KIAA1549L: variants seen among roughly 807,000 people sequenced by gnomAD.
The protein encoded by KIAA1549L is UPF0606 protein KIAA1549L.
In KIAA1549L, 88 loss-of-function variants were observed where a neutral mutation model predicts 160.7. That is an observed-to-expected ratio of 0.55 (90% CI 0.46 to 0.65). KIAA1549L has a LOEUF of 0.65. Among genes scored for constraint, KIAA1549L ranks in the 30% least tolerant of loss-of-function variants. The pLI, the probability that KIAA1549L is intolerant of heterozygous loss-of-function variation, is 0.00. For missense variants in KIAA1549L, 2,258 were observed against 2,437.5 expected (o/e 0.93, Z 1.55); for synonymous variants, 950 against 976.7 (o/e 0.97, Z 0.51).
At chr11:33,571,882 G>A (rs1482144060) in intron 9 of KIAA1549L, among the ~76,000 whole-genome samples, 1 of 152,182 alleles carries the variant, frequency 6.6e-6, no homozygotes, top group Non-Finnish European at 1.5e-5. Context: ...GCCCCTTCTT[G>A]AAGAGTCCCA....
chr11:33,479,404 G>T (rs1852362134), intron 1 of KIAA1549L, among the ~76,000 whole-genome samples: 1 of 152,224 alleles, frequency 6.6e-6, no homozygotes, highest in African/African-American at 2.4e-5. Flanking sequence ...GGAACTGGGG[G>T]ACATCCAAGT....
chr11:33,474,758 C>T (rs1301161683), intron 1 of KIAA1549L, among the ~76,000 whole-genome samples: 1 of 152,214 alleles, frequency 6.6e-6, no homozygotes, highest in East Asian at 1.9e-4. Context: ...CCAGTAGGTA[C>T]CCAATAAACA....
intron 13 of KIAA1549L, among the ~76,000 whole-genome samples, chr11:33,605,629 A>G (rs1850480690): frequency 6.6e-6 from 1 of 152,356 alleles, no homozygotes; most frequent in South Asian, 2.1e-4. Context: ...ACAGAATGAT[A>G]CAAACTATGT....
At chr11:33,494,841 G>C (rs1449452645) in intron 1 of KIAA1549L, among the ~76,000 whole-genome samples, 1 of 152,232 alleles carries the variant, frequency 6.6e-6, no homozygotes, top group Non-Finnish European at 1.5e-5. Context: ...TGTGTGAGAA[G>C]AACGATTTGT....
intron 14 of KIAA1549L, 39 bp downstream of exon 14, chr11:33,606,861 C>A (rs1399518388): frequency 2.0e-6 from 3 of 1,533,520 alleles, no homozygotes; most frequent in Non-Finnish European, 2.6e-6. Flanking sequence ...ATGGTCCGGC[C>A]AGACTTGGGA....
chr11:33,468,490 C>G (rs1251584306), intron 1 of KIAA1549L, among the ~76,000 whole-genome samples: 1 of 152,224 alleles, frequency 6.6e-6, no homozygotes, highest in Non-Finnish European at 1.5e-5. Context: ...ATACCTGTGT[C>G]ATTTCTGAGC....
At position 33,591,341 on chromosome 11, in the gene KIAA1549L, T is replaced by C; in HGVS notation, c.4671T>C (p.Ile1557=). 1 of 1,613,742 alleles carries C rather than the reference T, an allele frequency of 6.2e-7. No individual in the cohort carries two copies. Among genetic ancestry groups the C allele is most frequent in the African/African-American group, 1.3e-5 (1 of 75,046 alleles). Residue 1557 remains isoleucine (I), a synonymous_variant, in exon 12 of 21, where the codon ATT becomes ATC. Coordinates refer to ENST00000658780, the MANE Select transcript of KIAA1549L (RefSeq NM_012194.3). Reference sequence around the variant, plus strand: ...AGACAGTGGTTCTCCCACTGCCCATTAGAGATGCTCCTCAGGAAAGAGACG... The same window carrying C: ...AGACAGTGGTTCTCCCACTGCCCATCAGAGATGCTCCTCAGGAAAGAGACG... The part of the protein sequence containing the change: ...TQETVVLPLP[I]RDAPQERDVA...
At chr11:33,600,452 G>A (rs1451209721) in intron 13 of KIAA1549L, among the ~76,000 whole-genome samples, 1 of 152,112 alleles carries the variant, frequency 6.6e-6, no homozygotes, top group African/African-American at 2.4e-5. Context: ...GAAGCCATAT[G>A]GGGAAGGTTG....
At chr11:33,411,960 C>T (rs952741821) in intron 1 of KIAA1549L, among the ~76,000 whole-genome samples, 9 of 152,178 alleles carry the variant, frequency 5.9e-5, no homozygotes, top group African/African-American at 1.2e-4. Context: ...CCATTCTAGC[C>T]GCTCACAGGA....
chr11:33,544,373 C>T (rs754818874), intron 2 of KIAA1549L, 37 bp downstream of exon 2: 2 of 1,598,896 alleles, frequency 1.3e-6, no homozygotes, highest in Non-Finnish European at 1.7e-6. Flanking sequence ...TTTCCCGGTA[C>T]CCCCAAAACA....
chr11:33,493,142 T>G (rs716844), intron 1 of KIAA1549L, among the ~76,000 whole-genome samples: 15,972 of 152,116 alleles, frequency 0.1, 1,009 homozygotes, highest in East Asian at 0.31. Context: ...GAGCTGCAGC[T>G]GGGGTGATGC....
At chr11:33,563,411 G>GAGGA (rs1854941425) in intron 8 of KIAA1549L, among the ~76,000 whole-genome samples, 1 of 151,358 alleles carries the variant, frequency 6.6e-6, no homozygotes, top group Admixed American at 6.6e-5. Flanking sequence ...TAACAGGGTG[G>GAGGA]AGGAAAATCC....
intron 1 of KIAA1549L, among the ~76,000 whole-genome samples, chr11:33,510,401 G>A (rs1853200116): frequency 2.6e-5 from 4 of 152,130 alleles, no homozygotes; most frequent in South Asian, 4.1e-4. Flanking sequence ...TGGCCAGGCT[G>A]GTCTTGAACT....
intron 1 of KIAA1549L, among the ~76,000 whole-genome samples, chr11:33,526,304 G>C (rs942676592): frequency 1.3e-5 from 2 of 152,168 alleles, no homozygotes; most frequent in African/African-American, 4.8e-5. Context: ...GCAACATCCT[G>C]GGTAACCAGA....
At chr11:33,595,056 G>A (rs1435914931) in intron 12 of KIAA1549L, among the ~76,000 whole-genome samples, 1 of 152,178 alleles carries the variant, frequency 6.6e-6, no homozygotes, top group Non-Finnish European at 1.5e-5. Flanking sequence ...TTTAAATTGT[G>A]TAAAGTTTTC....
At chr11:33,585,344 C>G (rs1855777690) in intron 11 of KIAA1549L, among the ~76,000 whole-genome samples, 1 of 152,036 alleles carries the variant, frequency 6.6e-6, no homozygotes, top group African/African-American at 2.4e-5. Context: ...CATGGAGAAA[C>G]CTCATCTCTA....
At chr11:33,436,033 A>G (rs1851373765) in intron 1 of KIAA1549L, among the ~76,000 whole-genome samples, 1 of 150,456 alleles carries the variant, frequency 6.6e-6, no homozygotes, top group South Asian at 2.1e-4. Context: ...CTATTTACAT[A>G]GTATTATATT....
At chr11:33,618,693 G>T in intron 16 of KIAA1549L, 31 bp downstream of exon 16, 1 of 1,524,952 alleles carries the variant, frequency 6.6e-7, no homozygotes, top group East Asian at 2.4e-5. Context: ...GTAAATACAA[G>T]CTTTCCTTTC....
At chr11:33,441,141 GT>G (rs1432100507) in intron 1 of KIAA1549L, among the ~76,000 whole-genome samples, 1 of 145,522 alleles carries the variant, frequency 6.9e-6, no homozygotes, top group Non-Finnish European at 1.5e-5. Context: ...TCATTGTTCA[GT>G]TACCACCTAT....
Sources: allele counts gnomAD v4.1 joint callset (sites outside exome capture counted in the v4.1 genomes callset), GRCh38; gene constraint gnomAD v4.1.1; transcripts MANE v1.5; gene names NCBI Gene and HGNC (gene_info 2026-07-23, HGNC 2026-07-21).